PFKFB3: variants seen among roughly 807,000 people sequenced by gnomAD.
PFKFB3 encodes the protein 6-phosphofructo-2-kinase/fructose-2,6-bisphosphatase 3.
In PFKFB3, 33 loss-of-function variants were observed where a neutral mutation model predicts 68.0. The ratio of observed to expected loss-of-function variants is 0.49; its 90% CI spans 0.37 to 0.65. The LOEUF is 0.65. PFKFB3 is among the 30% of genes least tolerant of loss of function. PFKFB3 has a pLI of 0.00. For missense variants in PFKFB3, 586 were observed against 712.2 expected, an observed-to-expected ratio of 0.82 and a Z score of 2.02; for synonymous variants, 315 against 288.2, an observed-to-expected ratio of 1.09 and a Z score of -0.94.
At chr10:6,241,663 C>G (rs181919514) in intron 14 of PFKFB3, among the ~76,000 whole-genome samples, 81 of 152,274 alleles carry the variant, frequency 5.3e-4, no homozygotes, top group Middle Eastern at 3.4e-3. Flanking sequence ...GAGACCCCAT[C>G]TCAACATACA....
At chr10:6,237,126 G>C (rs1481641788), downstream of PFKFB3, among the ~76,000 whole-genome samples, 2 of 152,210 alleles carry the variant, frequency 1.3e-5, no homozygotes, top group East Asian at 3.9e-4. Context: ...CCAGCTATCC[G>C]GGGTTCTCCC....
At chr10:6,169,306 A>G (rs927430301) in intron 1 of PFKFB3, among the ~76,000 whole-genome samples, 14 of 152,194 alleles carry the variant, frequency 9.2e-5, no homozygotes, top group African/African-American at 2.9e-4. Flanking sequence ...GGGGGAGAGC[A>G]CATTTTCTGT....
the PFKFB3 span, among the ~76,000 whole-genome samples, chr10:6,324,076 C>T: frequency 6.6e-6 from 1 of 152,128 alleles, no homozygotes; most frequent in Admixed American, 6.5e-5. Context: ...CATGGATAGA[C>T]AAAGGGATAA....
the PFKFB3 span, among the ~76,000 whole-genome samples, chr10:6,325,509 CAATTT>C: frequency 2.0e-5 from 3 of 152,042 alleles, no homozygotes; most frequent in African/African-American, 7.3e-5. Context: ...GAATATTTAT[CAATTT>C]AAAGTCCCAA....
chr10:6,204,871 G>T (rs1843582293), intron 1 of PFKFB3, among the ~76,000 whole-genome samples: 1 of 152,226 alleles, frequency 6.6e-6, no homozygotes, highest in South Asian at 2.1e-4. Context: ...AAATACATGT[G>T]ATTGTATACG....
intron 1 of PFKFB3, among the ~76,000 whole-genome samples, chr10:6,212,386 A>G (rs978960892): frequency 6.6e-6 from 1 of 152,214 alleles, no homozygotes; most frequent in Non-Finnish European, 1.5e-5. Context: ...CTGAGATGCC[A>G]AGACCGTCAT....
At chr10:6,301,090 C>G in the PFKFB3 span, among the ~76,000 whole-genome samples, 1 of 152,114 alleles carries the variant, frequency 6.6e-6, no homozygotes, top group Non-Finnish European at 1.5e-5. Flanking sequence ...GGCCAGACTT[C>G]GTGGGCCATG....
At chr10:6,297,184 T>A in the PFKFB3 span, among the ~76,000 whole-genome samples, 1 of 152,166 alleles carries the variant, frequency 6.6e-6, no homozygotes, top group African/African-American at 2.4e-5. Flanking sequence ...ACAGATTCAG[T>A]GTTTGGCTAA....
At position 6,226,541 on chromosome 10, in the gene PFKFB3, A is replaced by C. The variant is rs1269555758; in HGVS notation, c.1515+176A>C. On this transcript the variant is annotated intron_variant, in intron 14 of 14. Coordinates refer to ENST00000379775, the MANE Select transcript of PFKFB3 (RefSeq NM_004566.4). ...GTTGTGGGGGCATGTGCACACACTC[A>C]CGTGTTGAGGGAGAACATAGGAAGC... is the stretch of plus-strand genomic sequence containing the variant. 6.7e-6 allele frequency: 4 copies of C among 596,648 alleles called. No individual in the cohort carries two copies. In the African/African-American group the frequency reaches 7.8e-5, roughly 12 times the overall value. 37.0% of individuals were successfully genotyped at this position (596,648 alleles called of 1,614,324 possible). A position where few individuals can be genotyped will look rare whatever the true frequency, so the allele number is the denominator to read the frequency against.
chr10:6,151,111 G>A lies in PFKFB3; in HGVS notation c.16+6098G>A, dbSNP rs145243266. ...CGGTGGACCAGGACAGCAGGGAGAC[G>A]GACACAGGGAGGGAGCCCCAGTCTG... is the stretch of plus-strand genomic sequence containing the variant. On this transcript the variant is annotated intron_variant, in intron 1 of 14. Coordinates refer to the PFKFB3 transcript ENST00000379789. Among the ~76,000 whole-genome samples, 18 of 152,258 alleles carry A rather than the reference G, an allele frequency of 1.2e-4. No homozygotes were observed. The East Asian group carries it at 3.5e-3, about 29-fold the overall frequency.
chr10:6,217,708 C>T (rs1246776953), intron 6 of PFKFB3, among the ~76,000 whole-genome samples: 1 of 152,142 alleles, frequency 6.6e-6, no homozygotes, highest in African/African-American at 2.4e-5. Context: ...TGCAGGGGAG[C>T]TTGCCCAGAT....
chr10:6,262,385 G>T, the PFKFB3 span, among the ~76,000 whole-genome samples: 1 of 144,816 alleles, frequency 6.9e-6, no homozygotes, highest in African/African-American at 2.6e-5. Context: ...ACCCTGGGGG[G>T]CGGAGCCTGC....
chr10:6,215,860 AGC>A lies in PFKFB3; in HGVS notation c.300-264_300-263del, dbSNP rs1844541363. ...TGCAACTCTGTGGGTGGCTCTGGGC[AGC>A]CATTTCTTAGCAGCTCCCCAGGAGT... On this transcript the variant is annotated intron_variant, in intron 3 of 14. Coordinates refer to ENST00000379775, the MANE Select transcript of PFKFB3 (RefSeq NM_004566.4). The surrounding 1 kb of genome is among the most constrained non-coding windows in gnomAD (Gnocchi z 4.3). 1.3e-5 allele frequency among the ~76,000 whole-genome samples: 2 copies of A among 152,142 alleles called. No individual in the cohort carries two copies. The highest frequency in any genetic ancestry group is 4.1e-4 in the South Asian group (2 of 4,826).
chr10:6,291,697 A>G, the PFKFB3 span, among the ~76,000 whole-genome samples: 1 of 152,196 alleles, frequency 6.6e-6, no homozygotes, highest in African/African-American at 2.4e-5. Flanking sequence ...CAGCTATGCT[A>G]TGCTATAGCT....
At position 6,216,720 on chromosome 10, in the gene PFKFB3, C is replaced by T. The variant is rs1260583977; in HGVS notation, c.381C>T (p.Thr127=). 5.0e-6 allele frequency: 8 copies of T among 1,612,258 alleles called. No homozygotes were observed. The African/African-American group carries it at 6.7e-5, about 13-fold the overall frequency. The change falls in exon 5 of 15, where the codon ACC becomes ACT. Residue 127 remains threonine, a synonymous_variant. Transcript: ENST00000379775. ...CTCCATATCAGGTTTTCGATGCCACCAATACTACTAGAGAGAGGAGACACA... is the reference window on the plus strand; with the variant it reads ...CTCCATATCAGGTTTTCGATGCCACTAATACTACTAGAGAGAGGAGACACA... ...EGGQIAVFDA[T]NTTRERRHMI... is the part of the protein sequence containing the mutation.
chr10:6,231,760 C>T (rs1057023618), intron 14 of PFKFB3, among the ~76,000 whole-genome samples: 2 of 151,890 alleles, frequency 1.3e-5, no homozygotes, highest in South Asian at 2.1e-4. Flanking sequence ...CATCCTTCGG[C>T]GGGCACCCAT....
At chr10:6,145,842 T>TA (rs1554838532) in intron 1 of PFKFB3, among the ~76,000 whole-genome samples, 1 of 151,946 alleles carries the variant, frequency 6.6e-6, no homozygotes, top group Non-Finnish European at 1.5e-5. Flanking sequence ...TACCTGGTGT[T>TA]CCTACCCGCA....
the PFKFB3 span, among the ~76,000 whole-genome samples, chr10:6,268,569 G>A: frequency 6.6e-6 from 1 of 152,074 alleles, no homozygotes; most frequent in East Asian, 1.9e-4. Context: ...AGGTTGCAGT[G>A]AGCCAAGATT....
intron 1 of PFKFB3, among the ~76,000 whole-genome samples, chr10:6,157,541 G>C (rs74229656): frequency 0.011 from 1,642 of 151,584 alleles, 67 homozygotes; most frequent in East Asian, 0.099. Context: ...TTGTGTCTTT[G>C]GTGAAAACAT....
Sources: gnomAD v4.1 joint callset for allele counts (sites outside exome capture counted in the v4.1 genomes callset) on GRCh38, gnomAD v4.1.1 for gene constraint, Gnocchi (gnomAD v3.1) non-coding constraint, MANE v1.5 for transcripts, NCBI Gene and HGNC (gene_info 2026-07-23, HGNC 2026-07-21) for gene names.